The following PDE10A variants were observed in gnomAD, a reference collection of about 807,000 sequenced individuals.
The protein encoded by PDE10A is cAMP and cAMP-inhibited cGMP 3',5'-cyclic phosphodiesterase 10A.
Under a neutral mutation model 97.7 loss-of-function variants are expected in PDE10A, and 39 were observed. The observed-to-expected ratio is 0.40, with a 90% CI of 0.31 to 0.52. The LOEUF is 0.52. PDE10A is among the 20% of genes least tolerant of loss of function. The pLI, the probability that PDE10A is intolerant of heterozygous loss-of-function variation, is 0.56. For synonymous variants in PDE10A, 371 were observed against 376.8 expected, an observed-to-expected ratio of 0.98 and a Z score of 0.18; for missense variants, 731 against 1,047.8, an observed-to-expected ratio of 0.70 and a Z score of 4.17.
intron 2 of PDE10A, among the ~76,000 whole-genome samples, chr6:165,485,013 C>T (rs1779819176): frequency 6.6e-6 from 1 of 152,152 alleles, no homozygotes; most frequent in African/African-American, 2.4e-5. Context: ...GAAAAGAAAG[C>T]TGCATTTAAT....
At chr6:165,942,484 G>T (rs563462626) in intron 1 of PDE10A, among the ~76,000 whole-genome samples, 1 of 152,258 alleles carries the variant, frequency 6.6e-6, no homozygotes, top group Admixed American at 6.5e-5. Context: ...CGAGGGAGAT[G>T]TGTTCGGTGT....
At chr6:165,355,146 A>C (rs951478254) in intron 18 of PDE10A, among the ~76,000 whole-genome samples, 7 of 152,200 alleles carry the variant, frequency 4.6e-5, no homozygotes, top group Non-Finnish European at 1.0e-4. Context: ...CGACATCTTA[A>C]GAACAAAATA....
intron 2 of PDE10A, among the ~76,000 whole-genome samples, chr6:165,521,995 T>C (rs1782157092): frequency 1.3e-5 from 2 of 152,348 alleles, no homozygotes; most frequent in South Asian, 4.1e-4. Flanking sequence ...TTGTAGCATG[T>C]GTCAGAACTT....
At chr6:165,476,851 G>T (rs1779325548) in intron 3 of PDE10A, among the ~76,000 whole-genome samples, 1 of 151,960 alleles carries the variant, frequency 6.6e-6, no homozygotes, top group Admixed American at 6.6e-5. Context: ...GCATTTTGGG[G>T]GTAAAGTCTA....
At chr6:165,413,019 G>A (rs1479984331) in intron 13 of PDE10A, among the ~76,000 whole-genome samples, 2 of 151,796 alleles carry the variant, frequency 1.3e-5, no homozygotes, top group South Asian at 2.1e-4. Flanking sequence ...CAACTTTCAC[G>A]AGGACTGAGT....
intron 1 of PDE10A, among the ~76,000 whole-genome samples, chr6:165,750,261 A>C (rs540202137): frequency 3.1e-4 from 47 of 152,358 alleles, no homozygotes; most frequent in Non-Finnish European, 6.3e-4. Context: ...AGGAAGAATT[A>C]GCTGAGTTTC....
chr6:165,732,379 G>A (rs1195260186), intron 1 of PDE10A, among the ~76,000 whole-genome samples: 1 of 152,216 alleles, frequency 6.6e-6, no homozygotes, highest in Non-Finnish European at 1.5e-5. Flanking sequence ...GGGGCAGGTG[G>A]CCGAGCCACA....
intron 18 of PDE10A, among the ~76,000 whole-genome samples, chr6:165,358,589 C>T (rs1048075009): frequency 2.6e-5 from 4 of 151,376 alleles, no homozygotes; most frequent in Admixed American, 6.6e-5. Flanking sequence ...AAAGTGCATA[C>T]GTCATAGACA....
intron 9 of PDE10A, among the ~76,000 whole-genome samples, chr6:165,429,234 T>C (rs1789381380): frequency 6.6e-6 from 1 of 151,988 alleles, no homozygotes; most frequent in African/African-American, 2.4e-5. Flanking sequence ...TTTATATGAG[T>C]ATATATTCAT....
intron 1 of PDE10A, among the ~76,000 whole-genome samples, chr6:165,743,965 G>A (rs999294877): frequency 2.6e-5 from 4 of 152,242 alleles, no homozygotes; most frequent in Non-Finnish European, 5.9e-5. Flanking sequence ...GCCAGCGGAT[G>A]TGTGAGGGGT....
At chr6:165,790,975 T>G (rs1276214117) in intron 1 of PDE10A, among the ~76,000 whole-genome samples, 1 of 152,072 alleles carries the variant, frequency 6.6e-6, no homozygotes, top group Admixed American at 6.5e-5. Flanking sequence ...TAACTGAAAT[T>G]TTATGCCCAC....
chr6:165,659,047 A>G (rs1392780412), intron 1 of PDE10A, among the ~76,000 whole-genome samples: 1 of 152,154 alleles, frequency 6.6e-6, no homozygotes, highest in Non-Finnish European at 1.5e-5. Context: ...TCCTGGCGGT[A>G]GCTCTTACTA....
At chr6:165,685,940 G>A (rs1169963006) in intron 1 of PDE10A, among the ~76,000 whole-genome samples, 1 of 152,144 alleles carries the variant, frequency 6.6e-6, no homozygotes. Context: ...AGTGGTAACA[G>A]AAGCCATTAA....
chr6:165,621,050 G>A (rs1788107331), intron 1 of PDE10A, among the ~76,000 whole-genome samples: 1 of 151,370 alleles, frequency 6.6e-6, no homozygotes, highest in African/African-American at 2.4e-5. Context: ...AAAGAAAAAG[G>A]GTAGAGAAAG....
At chr6:165,685,228 T>C (rs1791082863) in intron 1 of PDE10A, among the ~76,000 whole-genome samples, 2 of 152,106 alleles carry the variant, frequency 1.3e-5, no homozygotes, top group African/African-American at 4.8e-5. Flanking sequence ...TCTGTTTAAA[T>C]CTTGTAGCAA....
chr6:165,329,904 G>A lies in PDE10A; in HGVS notation c.*3121C>T, dbSNP rs1781246154. 6.6e-6 allele frequency: 1 copy of A among 152,050 alleles called. No homozygotes were observed. The highest frequency in any genetic ancestry group is 6.5e-5 in the Admixed American group (1 of 15,272). 9.4% of individuals were successfully genotyped at this position (152,050 alleles called of 1,614,324 possible). ...CACCTCTTAGAGAGAAGTACAGCTGGGAAATGGACCAGAGTCTCTGCCCTA... is the reference window on the plus strand; with the variant it reads ...CACCTCTTAGAGAGAAGTACAGCTGAGAAATGGACCAGAGTCTCTGCCCTA... On this transcript the variant is annotated 3_prime_UTR_variant, in exon 22 of 22. Transcript: ENST00000539869.
intron 1 of PDE10A, among the ~76,000 whole-genome samples, chr6:165,895,834 G>T (rs1053454855): frequency 4.6e-5 from 7 of 152,152 alleles, no homozygotes; most frequent in Non-Finnish European, 8.8e-5. Context: ...CCTGTCAATG[G>T]TGGAGATGAT....
At chr6:165,380,306 TTTA>T (rs1386662792) in intron 17 of PDE10A, among the ~76,000 whole-genome samples, 18 of 152,286 alleles carry the variant, frequency 1.2e-4, no homozygotes, top group Middle Eastern at 3.4e-3. Flanking sequence ...TTAATATACA[TTTA>T]TTGAGTTAAA....
intron 2 of PDE10A, among the ~76,000 whole-genome samples, chr6:165,539,097 T>C (rs567830870): frequency 6.6e-6 from 1 of 152,324 alleles, no homozygotes; most frequent in Non-Finnish European, 1.5e-5. Flanking sequence ...TGAGGAAGTT[T>C]TTATATATTC....
Sources: allele counts gnomAD v4.1 joint callset (sites outside exome capture counted in the v4.1 genomes callset), GRCh38; gene constraint gnomAD v4.1.1; transcripts MANE v1.5; gene names NCBI Gene and HGNC (gene_info 2026-07-23, HGNC 2026-07-21).